MDGA2: variants seen among roughly 807,000 people sequenced by gnomAD.
The protein encoded by MDGA2 is MAM domain-containing glycosylphosphatidylinositol anchor protein 2.
In MDGA2, 40 loss-of-function variants were observed where a neutral mutation model predicts 117.8. The ratio of observed to expected loss-of-function variants is 0.34; its 90% confidence interval spans 0.26 to 0.44. MDGA2 has a LOEUF of 0.44. MDGA2 is among the 20% of genes least tolerant of loss of function. The pLI is 1.00. For missense variants in MDGA2, 1,123 were observed against 1,250.6 expected (o/e 0.90, Z 1.54); for synonymous variants, 452 against 439.0 (o/e 1.03, Z -0.37).
chr14:47,166,313 C>T (rs567547416), intron 3 of MDGA2, among the ~76,000 whole-genome samples: 2 of 152,184 alleles, frequency 1.3e-5, no homozygotes, highest in East Asian at 1.9e-4. Flanking sequence ...GGATTACAGG[C>T]GTGAGCCATG....
chr14:47,604,487 A>ACCCCCCCCCCCCCCCCCCCCCCCCCCCCC (rs60602833), intron 1 of MDGA2, among the ~76,000 whole-genome samples: 1 of 92,054 alleles, frequency 1.1e-5, no homozygotes, highest in Non-Finnish European at 2.2e-5. Context: ...CAGCTTCCCC[A>ACCCCCCCCCCCCCCCCCCCCCCCCCCCCC]CCCCCCCCCA....
rs116969357 is a variant in MDGA2, at chr14:47,524,695, G to A, written c.280+149822C>T. On this transcript the variant is annotated intron_variant, in intron 1 of 16. Transcript: ENST00000399232. ...GTACTAAGTTACATTATAGTGACCT[G>A]AATAAGTTATAAACTCTCCAGAATA... 9.7e-4 allele frequency among the ~76,000 whole-genome samples: 147 copies of A among 152,232 alleles called. 1 individual carries two copies. The highest frequency in any genetic ancestry group is 1.7e-3 in the Non-Finnish European group (117 of 68,008).
At chr14:46,976,688 GT>G (rs1421826659) in intron 8 of MDGA2, among the ~76,000 whole-genome samples, 4 of 151,768 alleles carry the variant, frequency 2.6e-5, no homozygotes, top group Non-Finnish European at 5.9e-5. Context: ...TGTCTTCATT[GT>G]TTTATTTAAT....
At chr14:47,591,254 C>T (rs909994401) in intron 1 of MDGA2, among the ~76,000 whole-genome samples, 1 of 152,220 alleles carries the variant, frequency 6.6e-6, no homozygotes. Context: ...TGCTCTCACA[C>T]TTATTTGTTA....
intron 7 of MDGA2, among the ~76,000 whole-genome samples, chr14:47,060,028 C>T (rs1889824980): frequency 6.6e-6 from 1 of 152,004 alleles, no homozygotes. Context: ...ACAGTTTTCC[C>T]TCAGATATCC....
At chr14:46,961,505 G>A (rs921628327) in intron 8 of MDGA2, among the ~76,000 whole-genome samples, 6 of 152,004 alleles carry the variant, frequency 3.9e-5, no homozygotes, top group Admixed American at 6.6e-5. Flanking sequence ...TTCCAATAAC[G>A]TATACTTCAT....
intron 1 of MDGA2, among the ~76,000 whole-genome samples, chr14:47,498,212 C>T (rs1330695943): frequency 6.6e-6 from 1 of 152,140 alleles, no homozygotes; most frequent in Non-Finnish European, 1.5e-5. Context: ...AAATCTCTAA[C>T]TTTTCTATCA....
At chr14:46,927,432 C>T (rs1566529097) in intron 9 of MDGA2, among the ~76,000 whole-genome samples, 2 of 151,978 alleles carry the variant, frequency 1.3e-5, no homozygotes, top group African/African-American at 2.4e-5. Flanking sequence ...AGAAATTAAA[C>T]AATTGTATTT....
chr14:47,366,967 T>C (rs138150611), intron 1 of MDGA2, among the ~76,000 whole-genome samples: 1 of 151,718 alleles, frequency 6.6e-6, no homozygotes, highest in Non-Finnish European at 1.5e-5. Context: ...AAATAAAAAG[T>C]AATGAGCAGA....
intron 1 of MDGA2, among the ~76,000 whole-genome samples, chr14:47,563,235 T>C (rs778001912): frequency 1.4e-4 from 22 of 152,110 alleles, no homozygotes; most frequent in Admixed American, 7.2e-4. Flanking sequence ...GGAGTGTTCT[T>C]TAGATGTCTA....
At chr14:47,030,222 G>A (rs1214718879) in intron 8 of MDGA2, among the ~76,000 whole-genome samples, 1 of 152,004 alleles carries the variant, frequency 6.6e-6, no homozygotes, top group Non-Finnish European at 1.5e-5. Context: ...TTAGAAAGTT[G>A]TTTTAGTTGT....
At chr14:47,638,537 C>T (rs989224820) in intron 1 of MDGA2, among the ~76,000 whole-genome samples, 1 of 152,150 alleles carries the variant, frequency 6.6e-6, no homozygotes, top group African/African-American at 2.4e-5. Flanking sequence ...ATTTATTCAG[C>T]CTAATCCTGC....
In MDGA2 at chr14:47,498,873, G is replaced by A. The variant is rs559277353; in HGVS notation, c.280+175644C>T. ...TGTGTATTATTACATATTTTGGTCC[G>A]AAAACTTTTTATAAAAGCAGTTTCC... On this transcript the variant is annotated intron_variant, in intron 1 of 16. Transcript: ENST00000399232. Among the ~76,000 whole-genome samples the A allele has an allele frequency of 1.6e-3, 249 of 152,150 alleles. 2 individuals carry two copies. Among genetic ancestry groups the A allele is most frequent in the African/African-American group, 5.4e-3 (224 of 41,530 alleles).
chr14:47,597,839 CACACAT>C (rs1284458023), intron 1 of MDGA2, among the ~76,000 whole-genome samples: 10 of 110,284 alleles, frequency 9.1e-5, no homozygotes, highest in African/African-American at 2.8e-4. Context: ...GCACACCACA[CACACAT>C]ACACACACAC....
chr14:46,909,741 T>C (rs922830339), intron 10 of MDGA2, among the ~76,000 whole-genome samples: 4 of 152,186 alleles, frequency 2.6e-5, no homozygotes, highest in Admixed American at 6.5e-5. Context: ...CCTTATATTA[T>C]AGCATAAACA....
At position 47,027,256 on chromosome 14, in the gene MDGA2, A is replaced by G. The variant is rs28444484; in HGVS notation, c.1819+7755T>C. On this transcript the variant is annotated intron_variant, in intron 8 of 16. Transcript: ENST00000399232. ...GAAAATATCCTTACGGCCTTATGGT[A>G]TTATGGAAATGATATAATGATATTA... Among the ~76,000 whole-genome samples the G allele has an allele frequency of 5.5e-3, 833 of 152,182 alleles. 7 individuals carry two copies. Among genetic ancestry groups the G allele is most frequent in the Non-Finnish European group, 9.9e-3 (671 of 68,004 alleles).
chr14:47,297,913 A>C (rs1056532000), intron 2 of MDGA2, among the ~76,000 whole-genome samples: 1 of 152,194 alleles, frequency 6.6e-6, no homozygotes, highest in Non-Finnish European at 1.5e-5. Context: ...ACTGAAAAAT[A>C]ATAAAGCCAA....
At chr14:47,057,745 G>T (rs538772690) in intron 7 of MDGA2, among the ~76,000 whole-genome samples, 1 of 147,882 alleles carries the variant, frequency 6.8e-6, no homozygotes, top group East Asian at 2.0e-4. Flanking sequence ...GCCCTGCCCT[G>T]CCTTGCCTTG....
chr14:47,002,772 G>C (rs1295440896), intron 8 of MDGA2, among the ~76,000 whole-genome samples: 1 of 151,896 alleles, frequency 6.6e-6, no homozygotes, highest in East Asian at 1.9e-4. Flanking sequence ...TAACATATTT[G>C]ATAAATTAAT....
Sources: allele counts gnomAD v4.1 joint callset (sites outside exome capture counted in the v4.1 genomes callset), GRCh38; gene constraint gnomAD v4.1.1; transcripts MANE v1.5; gene names NCBI Gene and HGNC (gene_info 2026-07-23, HGNC 2026-07-21).